Variants in UGT1A8 observed in about 807,000 individuals in gnomAD.
UGT1A8 encodes the protein UDP-glucuronosyltransferase 1A8.
UGT1A8 carries 39 observed loss-of-function variants against 45.3 expected under a neutral mutation model. The observed-to-expected ratio is 0.86, with a 90% confidence interval of 0.67 to 1.12. The LOEUF is 1.12. Among genes scored for constraint, UGT1A8 ranks in the 50% most tolerant of loss-of-function variants. The pLI is 0.00. For synonymous variants in UGT1A8, 275 were observed against 249.2 expected (o/e 1.10, Z -0.97); for missense variants, 719 against 664.9 (o/e 1.08, Z -0.90).
intron 1 of UGT1A8, among the ~76,000 whole-genome samples, chr2:233,717,241 CA>C (rs2076559700): frequency 6.6e-6 from 1 of 152,144 alleles, no homozygotes; most frequent in African/African-American, 2.4e-5. Context: ...AAGATGCAGA[CA>C]GTTTTAAGGG....
chr2:233,729,477 GA>G, intron 1 of UGT1A8: 2 of 1,614,194 alleles, frequency 1.2e-6, no homozygotes, highest in Middle Eastern at 1.6e-4. Context: ...TGGCAATGTT[GA>G]ACAATATGTC....
chr2:233,662,215 T>C (rs928799316), intron 1 of UGT1A8, among the ~76,000 whole-genome samples: 1 of 152,230 alleles, frequency 6.6e-6, no homozygotes, highest in Non-Finnish European at 1.5e-5. Context: ...CTATTTAAAA[T>C]AGATTTGTGT....
chr2:233,747,509 G>A (rs1693700205), intron 1 of UGT1A8: 24 of 1,607,862 alleles, frequency 1.5e-5, no homozygotes, highest in Non-Finnish European at 1.9e-5. Flanking sequence ...ACACTCAACT[G>A]TACTTTGAAA....
At position 233,682,359 on chromosome 2, in the gene UGT1A8, G is replaced by C. The variant is rs72551332; in HGVS notation, c.855+63797G>C. 2.6e-4 allele frequency: 418 copies of C among 1,614,054 alleles called. No homozygotes were observed. Among genetic ancestry groups the C allele is most frequent in the Middle Eastern group, 1.2e-3 (7 of 6,056 alleles). Reference sequence around the variant, plus strand: ...TTAGTAGAATACTTAAAGGAGAGTTGTTTTGATGCAGTGTTTCTCGATCCT... The same window carrying C: ...TTAGTAGAATACTTAAAGGAGAGTTCTTTTGATGCAGTGTTTCTCGATCCT... On this transcript the variant is annotated intron_variant, in intron 1 of 4. Coordinates refer to ENST00000373450, the MANE Select transcript of UGT1A8 (RefSeq NM_019076.5).
At chr2:233,681,885 T>C (rs1285275960) in intron 1 of UGT1A8, 5 of 1,561,674 alleles carry the variant, frequency 3.2e-6, no homozygotes, top group African/African-American at 1.4e-5. Flanking sequence ...TTCCACTTAC[T>C]ATATTATAGG....
chr2:233,772,363 A>G lies in UGT1A8; in HGVS notation c.1397A>G (p.Lys466Arg). 1 of 1,614,238 alleles carries G rather than the reference A, an allele frequency of 6.2e-7. No homozygotes were observed. Among genetic ancestry groups the G allele is most frequent in the Non-Finnish European group, 8.5e-7 (1 of 1,180,044 alleles). Residue 466 changes from lysine to arginine, a missense_variant, in exon 5 of 5, where the codon AAG (lysine) becomes AGG (arginine). By Grantham distance (26) the Lys-to-Arg change is conservative. Coordinates refer to ENST00000373450, the MANE Select transcript of UGT1A8 (RefSeq NM_019076.5). ...TGGGTGGAGTTTGTGATGAGGCACA[A>G]GGGCGCGCCACACCTGCGCCCCGCA... Reference protein sequence around the residue: ...VFWVEFVMRHKGAPHLRPAAH... With the variant: ...VFWVEFVMRHRGAPHLRPAAH...
rs28900377 is a variant in UGT1A8 at position 233,743,611 on chromosome 2, C to T, written c.856-23423C>T. The T allele has an allele frequency of 3.6e-3, 4,908 of 1,367,342 alleles. 268 individuals are homozygous for T. The African/African-American group carries it at 0.064, about 18-fold the overall frequency. The allele number at this position is 1,367,342 out of a possible 1,614,324, so 84.7% of individuals were successfully genotyped here. The stretch of plus-strand genomic sequence containing the variant: ...AGAATGGGTCCTGGCCGCCGAAGAA[C>T]TCCCTGAAGACGTCGGCTGGGTCGC... On this transcript the variant is annotated intron_variant, in intron 1 of 4. Transcript: ENST00000373450.
At chr2:233,735,312 T>C (rs924133662) in intron 1 of UGT1A8, among the ~76,000 whole-genome samples, 9 of 152,172 alleles carry the variant, frequency 5.9e-5, no homozygotes, top group Admixed American at 1.3e-4. Context: ...GTCTGTTTTA[T>C]CAGAGACTAG....
At chr2:233,651,911 A>G (rs1364270486) in intron 1 of UGT1A8, among the ~76,000 whole-genome samples, 1 of 152,166 alleles carries the variant, frequency 6.6e-6, no homozygotes, top group Non-Finnish European at 1.5e-5. Flanking sequence ...TATCCAGGGG[A>G]ATTACATCCA....
At chr2:233,729,387 T>G (rs1242626622) in intron 1 of UGT1A8, 1 of 1,613,946 alleles carries the variant, frequency 6.2e-7, no homozygotes, top group Non-Finnish European at 8.5e-7. Context: ...GGACCCAGGA[T>G]GAATTTGATC....
chr2:233,688,522 A>AGTG (rs1190898140), intron 1 of UGT1A8, among the ~76,000 whole-genome samples: 1 of 151,956 alleles, frequency 6.6e-6, no homozygotes, highest in Non-Finnish European at 1.5e-5. Flanking sequence ...ATGCGCCTAG[A>AGTG]GTGGGTTTGA....
intron 1 of UGT1A8, chr2:233,760,907 T>A: frequency 6.2e-7 from 1 of 1,614,208 alleles, no homozygotes. Context: ...ATGACCTTCC[T>A]GCAGCGGGTG....
At position 233,769,609 on chromosome 2, in the gene UGT1A8, C is replaced by A. The variant is rs776582226; in HGVS notation, c.1295+1170C>A. On this transcript the variant is annotated intron_variant, in intron 4 of 4. Coordinates refer to ENST00000373450, the MANE Select transcript of UGT1A8 (RefSeq NM_019076.5). The surrounding 1 kb of genome is among the most constrained non-coding windows in gnomAD (Gnocchi z 4.4). Reference sequence around the variant, plus strand: ...AGAGGAGACGGAACACGGGGACACACCAGCTTGAGCAAGGGACAACAGGGG... The same window carrying A: ...AGAGGAGACGGAACACGGGGACACAACAGCTTGAGCAAGGGACAACAGGGG... The A allele has an allele frequency of 4.3e-6, 7 of 1,612,634 alleles. No individual in the cohort carries two copies. The highest frequency in any genetic ancestry group is 1.7e-4 in the Middle Eastern group (1 of 6,054).
chr2:233,687,567 G>T (rs1436432522), intron 1 of UGT1A8, among the ~76,000 whole-genome samples: 3 of 117,252 alleles, frequency 2.6e-5, no homozygotes, highest in Non-Finnish European at 5.0e-5. Flanking sequence ...CAGAATTCAA[G>T]ACCATACATT....
intron 1 of UGT1A8, chr2:233,739,149 C>T (rs912480643): frequency 6.6e-6 from 1 of 152,208 alleles, no homozygotes; most frequent in African/African-American, 2.4e-5. Context: ...TGGGAACCTC[C>T]ACATAAATTT....
At chr2:233,748,647 C>A (rs1378497880) in intron 1 of UGT1A8, among the ~76,000 whole-genome samples, 4 of 151,722 alleles carry the variant, frequency 2.6e-5, no homozygotes, top group African/African-American at 9.7e-5. Flanking sequence ...GAATTACACA[C>A]TGAGTTCAGT....
intron 1 of UGT1A8, chr2:233,690,737 C>G: frequency 8.3e-7 from 1 of 1,207,142 alleles, no homozygotes; most frequent in Non-Finnish European, 1.0e-6. Flanking sequence ...CCAGATTCCT[C>G]TGGCTAGTGT....
At chr2:233,713,415 C>A (rs3755320) in intron 1 of UGT1A8, 158,193 of 1,614,046 alleles carry the variant, frequency 0.098, 8,780 homozygotes, top group South Asian at 0.2. Flanking sequence ...CAGGCACCTG[C>A]ATGCTACTTC....
intron 1 of UGT1A8, among the ~76,000 whole-genome samples, chr2:233,699,243 G>T (rs1160022756): frequency 1.3e-5 from 2 of 151,972 alleles, no homozygotes; most frequent in East Asian, 3.9e-4. Context: ...TTGTTTTTAG[G>T]CCCCTTTCCT....
Sources: allele counts gnomAD v4.1 joint callset (sites outside exome capture counted in the v4.1 genomes callset), GRCh38; gene constraint gnomAD v4.1.1; non-coding constraint Gnocchi (gnomAD v3.1); transcripts MANE v1.5; gene names NCBI Gene and HGNC (gene_info 2026-07-23, HGNC 2026-07-21).